CPEB1: variants seen among roughly 807,000 people sequenced by gnomAD.
CPEB1 encodes cytoplasmic polyadenylation element-binding protein 1.
Under a neutral mutation model 65.8 loss-of-function variants are expected in CPEB1, and 7 were observed. The ratio of observed to expected loss-of-function variants is 0.11; its 90% CI spans 0.06 to 0.20. The LOEUF is 0.20. CPEB1 is among the 10% of genes least tolerant of loss of function. The pLI, the probability that CPEB1 is intolerant of heterozygous loss-of-function variation, is 1.00. For synonymous variants in CPEB1, 262 were observed against 260.0 expected, an observed-to-expected ratio of 1.01 and a Z score of -0.08; for missense variants, 551 against 712.2, an observed-to-expected ratio of 0.77 and a Z score of 2.58.
intron 1 of CPEB1, among the ~76,000 whole-genome samples, chr15:82,646,415 G>A (rs948594123): frequency 6.6e-6 from 1 of 152,214 alleles, no homozygotes. Context: ...GCGGTTGCCA[G>A]AGAAATGCGG....
chr15:82,549,962 A>G (rs570154990), intron 9 of CPEB1, among the ~76,000 whole-genome samples: 15 of 152,310 alleles, frequency 9.8e-5, no homozygotes, highest in Non-Finnish European at 2.2e-4. Context: ...CCAGCATTCT[A>G]TTTCAACCTC....
chr15:82,553,483 G>C lies in CPEB1; in HGVS notation c.1128C>G (p.Pro376=). The C allele has an allele frequency of 6.2e-7, 1 of 1,613,762 alleles. No homozygotes were observed. Among genetic ancestry groups the C allele is most frequent in the Non-Finnish European group, 8.5e-7 (1 of 1,179,770 alleles). The part of the protein sequence containing the change: ...VEWPGKDGKH[P]RCPPKGYVYL... Reference sequence around the variant, plus strand: ...GCATATTACCTTTGGGAGGACACCGGGGATGCTTGCCATCCTTACCAGGCC... The same window carrying C: ...GCATATTACCTTTGGGAGGACACCGCGGATGCTTGCCATCCTTACCAGGCC... Residue 376 remains proline, a synonymous_variant, in exon 8 of 13, where the codon CCC becomes CCG. Coordinates refer to ENST00000684509, the MANE Select transcript of CPEB1 (RefSeq NM_001365242.1).
intron 3 of CPEB1, among the ~76,000 whole-genome samples, chr15:82,579,522 A>G (rs1023146186): frequency 3.3e-5 from 5 of 152,140 alleles, no homozygotes; most frequent in Admixed American, 3.3e-4. Flanking sequence ...TGCCCTAACA[A>G]TCATCATTAT....
intron 3 of CPEB1, among the ~76,000 whole-genome samples, chr15:82,626,822 CATATT>C (rs1173900772): frequency 7.9e-5 from 12 of 152,112 alleles, no homozygotes; most frequent in South Asian, 6.2e-4. Flanking sequence ...TAAATGTTGT[CATATT>C]ATAATATATT....
chr15:82,594,396 C>G (rs1214145902), intron 3 of CPEB1, among the ~76,000 whole-genome samples: 1 of 142,264 alleles, frequency 7.0e-6, no homozygotes, highest in African/African-American at 2.6e-5. Flanking sequence ...AAAAGAAAAA[C>G]CTCATGAACC....
intron 3 of CPEB1, among the ~76,000 whole-genome samples, chr15:82,616,401 A>C (rs1365517735): frequency 6.6e-6 from 1 of 152,216 alleles, no homozygotes; most frequent in African/African-American, 2.4e-5. Context: ...GAAAATGAGG[A>C]AAAGAGTACA....
chr15:82,569,435 T>C (rs911102544), intron 4 of CPEB1, among the ~76,000 whole-genome samples: 1 of 152,172 alleles, frequency 6.6e-6, no homozygotes, highest in Non-Finnish European at 1.5e-5. Flanking sequence ...TCCTTATGAA[T>C]TCTGAGGCTC....
chr15:82,637,882 A>C (rs2046791482), intron 1 of CPEB1: 1 of 403,800 alleles, frequency 2.5e-6, no homozygotes, highest in Non-Finnish European at 5.0e-6. Context: ...GGTCATATGA[A>C]TATTCACCCA....
At chr15:82,560,224 G>A (rs1413978674) in intron 4 of CPEB1, among the ~76,000 whole-genome samples, 1 of 152,212 alleles carries the variant, frequency 6.6e-6, no homozygotes, top group Non-Finnish European at 1.5e-5. Context: ...AAGAGGCACT[G>A]TGAAAAATCA....
At chr15:82,562,738 G>A (rs2038441858) in intron 4 of CPEB1, among the ~76,000 whole-genome samples, 1 of 152,072 alleles carries the variant, frequency 6.6e-6, no homozygotes, top group Non-Finnish European at 1.5e-5. Context: ...AGGAGGCTGA[G>A]GCAGGAGGAT....
chr15:82,644,672 G>C (rs959090803), intron 1 of CPEB1, among the ~76,000 whole-genome samples: 2 of 152,158 alleles, frequency 1.3e-5, no homozygotes, highest in Non-Finnish European at 2.9e-5. Flanking sequence ...GCTAGTGGCT[G>C]CTCCTTTCAA....
chr15:82,608,458 G>A (rs2043833765), intron 3 of CPEB1, among the ~76,000 whole-genome samples: 1 of 152,188 alleles, frequency 6.6e-6, no homozygotes, highest in Non-Finnish European at 1.5e-5. Flanking sequence ...GTGGCTTCCA[G>A]GCTGCTAATT....
intron 3 of CPEB1, among the ~76,000 whole-genome samples, chr15:82,582,960 C>T (rs1218125370): frequency 6.6e-6 from 1 of 151,896 alleles, no homozygotes; most frequent in Non-Finnish European, 1.5e-5. Context: ...CCAGGATGGT[C>T]TTGATCTCCT....
At position 82,553,939 on chromosome 15, in the gene CPEB1, A is replaced by G. The variant is rs1279472650; in HGVS notation, c.993T>C (p.Tyr331=). The change falls in exon 7 of 13, where the codon TAT becomes TAC. Residue 331 remains tyrosine, a synonymous_variant. Transcript: ENST00000684509. ...CCTTGCAAGAGTAGATGGGGTTCTT[A>G]TAGTTCCGGGGAGGAAGCTGGCCAC... ...TWSGQLPPRN[Y]KNPIYSCKVF... The G allele has an allele frequency of 6.2e-7, 1 of 1,612,282 alleles. No homozygotes were observed. The highest frequency in any genetic ancestry group is 8.5e-7 in the Non-Finnish European group (1 of 1,179,396).
At chr15:82,574,351 T>A (rs112787697) in intron 3 of CPEB1, among the ~76,000 whole-genome samples, 1,971 of 152,286 alleles carry the variant, frequency 0.013, 35 homozygotes, top group African/African-American at 0.044. Flanking sequence ...TCTGCCACTG[T>A]GTCTTTCTGA....
At chr15:82,569,528 CA>C (rs1397239314) in intron 4 of CPEB1, among the ~76,000 whole-genome samples, 1 of 152,162 alleles carries the variant, frequency 6.6e-6, no homozygotes, top group Non-Finnish European at 1.5e-5. Context: ...AAAGAAAAAC[CA>C]TTTCTATTTC....
intron 3 of CPEB1, among the ~76,000 whole-genome samples, chr15:82,572,545 T>C (rs957525515): frequency 1.3e-5 from 2 of 152,082 alleles, no homozygotes; most frequent in Non-Finnish European, 2.9e-5. Context: ...CATGAACAGA[T>C]ACAGCGGCTC....
chr15:82,600,048 T>C (rs532973591), intron 3 of CPEB1, among the ~76,000 whole-genome samples: 9 of 152,118 alleles, frequency 5.9e-5, no homozygotes, highest in East Asian at 1.9e-4. Context: ...TGGTTGTAAA[T>C]TGAGTAATGA....
intron 4 of CPEB1, among the ~76,000 whole-genome samples, chr15:82,559,909 C>G (rs930262508): frequency 6.6e-6 from 1 of 152,112 alleles, no homozygotes; most frequent in Admixed American, 6.6e-5. Flanking sequence ...CATGGCGAAA[C>G]CCCGTCTCTA....
Sources: gnomAD v4.1 joint callset for allele counts (sites outside exome capture counted in the v4.1 genomes callset) on GRCh38, gnomAD v4.1.1 for gene constraint, MANE v1.5 for transcripts, NCBI Gene and HGNC (gene_info 2026-07-23, HGNC 2026-07-21) for gene names.